CNTN4: variants seen among roughly 807,000 people sequenced by gnomAD.
CNTN4 encodes the protein contactin-4.
CNTN4 carries 77 observed loss-of-function variants against 122.5 expected under a neutral mutation model. The ratio of observed to expected loss-of-function variants is 0.63; its 90% CI spans 0.52 to 0.76. The LOEUF (loss-of-function observed/expected upper bound fraction) is 0.76. Ranked by LOEUF, CNTN4 falls within the 30% of genes least tolerant of loss-of-function variation. The pLI, the probability that CNTN4 is intolerant of heterozygous loss-of-function variation, is 0.00. For missense variants in CNTN4, 1,256 were observed against 1,259.1 expected, an observed-to-expected ratio of 1.00 and a Z score of 0.04; for synonymous variants, 512 against 447.0, an observed-to-expected ratio of 1.15 and a Z score of -1.83.
chr3:2,220,030 G>A (rs954929444), intron 2 of CNTN4, among the ~76,000 whole-genome samples: 3 of 152,064 alleles, frequency 2.0e-5, no homozygotes, highest in African/African-American at 2.4e-5. Context: ...TTCAGTACTT[G>A]CTGTTAGACA....
chr3:2,434,074 T>C (rs1365089757), intron 3 of CNTN4, among the ~76,000 whole-genome samples: 2 of 152,270 alleles, frequency 1.3e-5, no homozygotes, highest in East Asian at 3.9e-4. Flanking sequence ...GAATAAGCTT[T>C]GGTGATCTAT....
chr3:2,267,659 G>A (rs979935742), intron 2 of CNTN4, among the ~76,000 whole-genome samples: 1 of 151,776 alleles, frequency 6.6e-6, no homozygotes, highest in African/African-American at 2.4e-5. Flanking sequence ...CCCATTTTTG[G>A]TTGACCATGC....
chr3:2,690,627 T>A (rs2728023), intron 4 of CNTN4, among the ~76,000 whole-genome samples: 105,825 of 151,424 alleles, frequency 0.7, 37,905 homozygotes, highest in East Asian at 0.83. Context: ...ACAAAGCTTG[T>A]CTGCCTTACC....
chr3:2,985,283 A>G (rs931814895), intron 13 of CNTN4: 2 of 152,404 alleles, frequency 1.3e-5, no homozygotes, highest in African/African-American at 4.8e-5. Context: ...TTAGGCTGCT[A>G]TGTAAGAACA....
chr3:2,584,882 G>A (rs1165073656), intron 4 of CNTN4, among the ~76,000 whole-genome samples: 1 of 151,754 alleles, frequency 6.6e-6, no homozygotes, highest in Non-Finnish European at 1.5e-5. Context: ...AGGTAGGTAG[G>A]TAGATACGAA....
chr3:2,465,119 G>T (rs866676260), intron 3 of CNTN4, among the ~76,000 whole-genome samples: 3 of 152,070 alleles, frequency 2.0e-5, no homozygotes, highest in South Asian at 2.1e-4. Flanking sequence ...TGGTATTTAT[G>T]TATATTTTAC....
chr3:2,969,521 T>TGA (rs1487301315), intron 13 of CNTN4, among the ~76,000 whole-genome samples: 55 of 151,970 alleles, frequency 3.6e-4, no homozygotes, highest in African/African-American at 1.3e-3. Context: ...ATTGGGATTA[T>TGA]TATTATTATT....
At chr3:2,608,813 G>T (rs544777214) in intron 4 of CNTN4, among the ~76,000 whole-genome samples, 17 of 152,284 alleles carry the variant, frequency 1.1e-4, no homozygotes, top group Admixed American at 5.2e-4. Flanking sequence ...AAATGCATTT[G>T]TTTGAGAGTA....
At chr3:2,614,022 C>G (rs1034937480) in intron 4 of CNTN4, among the ~76,000 whole-genome samples, 1 of 152,032 alleles carries the variant, frequency 6.6e-6, no homozygotes, top group Non-Finnish European at 1.5e-5. Flanking sequence ...AGCTAACATT[C>G]TATTGTGAGA....
At chr3:2,544,258 C>T (rs2078149982) in intron 3 of CNTN4, among the ~76,000 whole-genome samples, 1 of 152,062 alleles carries the variant, frequency 6.6e-6, no homozygotes, top group Non-Finnish European at 1.5e-5. Context: ...ATGATGGAGA[C>T]ACGCTCCTCA....
At chr3:2,214,664 A>G (rs1455663913) in intron 2 of CNTN4, among the ~76,000 whole-genome samples, 1 of 152,324 alleles carries the variant, frequency 6.6e-6, no homozygotes, top group South Asian at 2.1e-4. Flanking sequence ...AGAAAATCAT[A>G]GAGCCCATCC....
intron 4 of CNTN4, among the ~76,000 whole-genome samples, chr3:2,583,554 G>T (rs1387098752): frequency 6.6e-6 from 1 of 152,162 alleles, no homozygotes. Context: ...GATTGGCTTT[G>T]TCAAAAGATT....
chr3:2,400,428 C>CATACATATATATATATATAT (rs1156582228), intron 3 of CNTN4, among the ~76,000 whole-genome samples: 4 of 95,824 alleles, frequency 4.2e-5, no homozygotes, highest in Non-Finnish European at 8.8e-5. Flanking sequence ...TATATATATA[C>CATACATATATATATATATAT]ATATATATAT....
At chr3:2,255,645 C>G (rs938029120) in intron 2 of CNTN4, among the ~76,000 whole-genome samples, 1 of 152,100 alleles carries the variant, frequency 6.6e-6, no homozygotes, top group Non-Finnish European at 1.5e-5. Context: ...CACTCAAAAC[C>G]GCACAACTAC....
intron 2 of CNTN4, among the ~76,000 whole-genome samples, chr3:2,260,987 T>A (rs371290353): frequency 1.9e-4 from 29 of 152,252 alleles, no homozygotes; most frequent in African/African-American, 5.3e-4. Flanking sequence ...TGCCTCGGCC[T>A]CCCAAAGTGC....
In CNTN4 at chr3:2,745,619, G is replaced by A. The variant is rs779739557; in HGVS notation, c.280G>A (p.Asp94Asn). ...LLINNPNKTQ[D>N]AGTYQCTATN... ...GATCAATAACCCCAATAAAACCCAA[G>A]ATGCTGGAACGTACCAGTGCACAGC... Residue 94 changes from aspartate (D) to asparagine (N), a missense_variant, in exon 6 of 25, where the codon GAT becomes AAT. By Grantham distance (23) the Asp-to-Asn change is conservative (BLOSUM62 1). Coordinates refer to ENST00000418658, the MANE Select transcript of CNTN4 (RefSeq NM_175607.3). 3 of 1,614,152 alleles carry A rather than the reference G, an allele frequency of 1.9e-6. No individual in the cohort carries two copies. In the East Asian group the frequency reaches 6.7e-5, roughly 36 times the overall value.
intron 3 of CNTN4, among the ~76,000 whole-genome samples, chr3:2,547,271 T>C (rs1425760828): frequency 1.5e-5 from 2 of 131,990 alleles, no homozygotes; most frequent in Admixed American, 7.5e-5. Flanking sequence ...TTTATTTATT[T>C]ATTTATTTTG....
At chr3:2,660,825 G>A (rs901823076) in intron 4 of CNTN4, among the ~76,000 whole-genome samples, 2 of 152,194 alleles carry the variant, frequency 1.3e-5, no homozygotes, top group African/African-American at 2.4e-5. Context: ...TGCCCAGCAC[G>A]TCAGAGCAGG....
At chr3:2,358,092 G>T (rs1159597429) in intron 3 of CNTN4, among the ~76,000 whole-genome samples, 1 of 152,118 alleles carries the variant, frequency 6.6e-6, no homozygotes, top group Non-Finnish European at 1.5e-5. Context: ...GAAGTCAACT[G>T]CAGCAAAATC....
Sources: gnomAD v4.1 joint callset for allele counts (sites outside exome capture counted in the v4.1 genomes callset) on GRCh38, gnomAD v4.1.1 for gene constraint, MANE v1.5 for transcripts, NCBI Gene and HGNC (gene_info 2026-07-23, HGNC 2026-07-21) for gene names.